Variants in ABCB9 observed in about 807,000 individuals in gnomAD.
ABCB9 encodes ABC-type oligopeptide transporter ABCB9.
A neutral mutation model predicts 62.0 loss-of-function variants in ABCB9; 36 were observed. The observed-to-expected ratio is 0.58, with a 90% CI of 0.45 to 0.77. ABCB9 has a LOEUF of 0.77. Ranked by LOEUF, ABCB9 falls within the 30% of genes least tolerant of loss-of-function variation. ABCB9 has a pLI of 0.00. For missense variants in ABCB9, 943 were observed against 1,054.7 expected (o/e 0.89, Z 1.47); for synonymous variants, 435 against 461.4 (o/e 0.94, Z 0.73).
At chr12:122,936,178 G>A (rs2035450176) in intron 9 of ABCB9, among the ~76,000 whole-genome samples, 1 of 152,138 alleles carries the variant, frequency 6.6e-6, no homozygotes, top group Admixed American at 6.6e-5. Flanking sequence ...TAGTGACAGT[G>A]CATCCTTAAA....
At chr12:122,951,169 C>A (rs879619055) in intron 2 of ABCB9, among the ~76,000 whole-genome samples, 1 of 151,768 alleles carries the variant, frequency 6.6e-6, no homozygotes. Context: ...CCCTTTGGAG[C>A]AGGCCCTGGA....
At chr12:122,925,997 T>C (rs1330551345), downstream of ABCB9, among the ~76,000 whole-genome samples, 1 of 152,084 alleles carries the variant, frequency 6.6e-6, no homozygotes, top group Non-Finnish European at 1.5e-5. Context: ...AAAGGCCACG[T>C]AGTATAGGGT....
intron 9 of ABCB9, 121 bp downstream of exon 9, chr12:122,939,990 T>C: frequency 7.8e-7 from 1 of 1,276,652 alleles, no homozygotes; most frequent in East Asian, 2.7e-5. Flanking sequence ...TTGTAATTGG[T>C]GATAATTCTT....
At chr12:122,965,729 CTTTT>C (rs77571044) in intron 1 of ABCB9, among the ~76,000 whole-genome samples, 1 of 144,038 alleles carries the variant, frequency 6.9e-6, no homozygotes, top group Non-Finnish European at 1.5e-5. Flanking sequence ...GGGGAGGAGG[CTTTT>C]TTTTTTTTTC....
At chr12:122,950,048 G>A (rs146132645) in intron 3 of ABCB9, 130 bp from the exon 4 acceptor site, 40 of 1,288,078 alleles carry the variant, frequency 3.1e-5, no homozygotes, top group Middle Eastern at 2.3e-4. Flanking sequence ...GCATCCCTGC[G>A]GGGTCCCCCT....
At chr12:122,962,201 C>G (rs996629692) in intron 1 of ABCB9, among the ~76,000 whole-genome samples, 2 of 152,196 alleles carry the variant, frequency 1.3e-5, no homozygotes, top group African/African-American at 4.8e-5. Flanking sequence ...CAGGGACACC[C>G]GGGAAGTGGG....
chr12:122,973,787 G>A (rs1254441666), intron 1 of ABCB9, among the ~76,000 whole-genome samples: 1 of 151,998 alleles, frequency 6.6e-6, no homozygotes, highest in Non-Finnish European at 1.5e-5. Context: ...CGTGAACCCG[G>A]GAGGCAGAGC....
chr12:122,923,297 A>T lies in ABCB9; in HGVS notation c.2041-2254T>A, dbSNP rs570498487. Reference sequence around the variant, plus strand: ...ACCAGTACTTCTTATTTATTTATTTATTTTTTTTGAGACGGAGTCTCGCTC... The same window carrying T: ...ACCAGTACTTCTTATTTATTTATTTTTTTTTTTTGAGACGGAGTCTCGCTC... On this transcript the variant is annotated intron_variant, in intron 11 of 11. Transcript: ENST00000344275. 1.3e-3 allele frequency among the ~76,000 whole-genome samples: 175 copies of T among 139,534 alleles called. 2 individuals carry two copies. The highest frequency in any genetic ancestry group is 2.2e-3 in the African/African-American group (82 of 37,226). 91.5% of individuals were successfully genotyped at this position (139,534 alleles called of 152,430 possible).
chr12:122,949,291 G>A (rs536710933), intron 4 of ABCB9: 142 of 174,436 alleles, frequency 8.1e-4, no homozygotes, highest in Admixed American at 2.3e-3. Flanking sequence ...GCTACTATCC[G>A]TGTTCCCATT....
exon 12 of ABCB9, chr12:122,920,968 T>G: frequency 6.6e-7 from 1 of 1,513,766 alleles, no homozygotes; most frequent in Middle Eastern, 1.7e-4. Context: ...TGAAAATGTT[T>G]TATACCTGAA....
At chr12:122,963,353 G>A (rs1388919195) in intron 1 of ABCB9, among the ~76,000 whole-genome samples, 1 of 152,198 alleles carries the variant, frequency 6.6e-6, no homozygotes, top group Non-Finnish European at 1.5e-5. Context: ...GGGCCGTGTG[G>A]CAGAGGTGAT....
At chr12:122,961,554 A>T (rs1264986071) in intron 1 of ABCB9, among the ~76,000 whole-genome samples, 1 of 152,138 alleles carries the variant, frequency 6.6e-6, no homozygotes, top group African/African-American at 2.4e-5. Context: ...CTTGAGCAAG[A>T]CTTGAAAGAG....
chr12:122,927,038 G>A (rs2034925715), downstream of ABCB9, among the ~76,000 whole-genome samples: 1 of 152,186 alleles, frequency 6.6e-6, no homozygotes, highest in Non-Finnish European at 1.5e-5. Flanking sequence ...GACATGCTAT[G>A]TTGGTTTCCT....
Position 122,964,679 on chromosome 12 carries a change from G to T in ABCB9, c.-88+1608C>A, listed in dbSNP as rs1183089426. On this transcript the variant is annotated intron_variant, in intron 1 of 11. Coordinates refer to ENST00000280560, the MANE Select transcript of ABCB9 (RefSeq NM_019625.4). The surrounding 1 kb of genome is among the most constrained non-coding windows in gnomAD (Gnocchi z 4.7). The stretch of plus-strand genomic sequence containing the variant: ...TGACTCAGAGGATGCGCTGGGCTCG[G>T]CCAGGTGGAGCTGGAGGGCAAATTG... 2.0e-5 allele frequency among the ~76,000 whole-genome samples: 3 copies of T among 152,264 alleles called. No homozygotes were observed. The highest frequency in any genetic ancestry group is 4.4e-5 in the Non-Finnish European group (3 of 68,042).
intron 2 of ABCB9, chr12:122,951,916 A>C (rs1418571583): frequency 6.6e-6 from 1 of 152,132 alleles, no homozygotes; most frequent in African/African-American, 2.4e-5. Context: ...CATCTCCCAA[A>C]ATTTACATAT....
At chr12:122,968,119 C>T (rs554556377), upstream of ABCB9, among the ~76,000 whole-genome samples, 1 of 152,096 alleles carries the variant, frequency 6.6e-6, no homozygotes, top group African/African-American at 2.4e-5. Context: ...TATGGAATGA[C>T]CTCCTAAATG....
At position 122,959,439 on chromosome 12, in the gene ABCB9, G is replaced by T. The variant is rs1204617330; in HGVS notation, c.601+196C>A. Among the ~76,000 whole-genome samples the T allele has an allele frequency of 6.6e-6, 1 of 152,090 alleles. No individual in the cohort carries two copies. The highest frequency in any genetic ancestry group is 2.1e-4 in the South Asian group (1 of 4,824). ...TTGCCCAGGCTGGTTTTCAACTCCTGGGCTCAAGTGATCTTCCTACCTCAG... is the reference window on the plus strand; with the variant it reads ...TTGCCCAGGCTGGTTTTCAACTCCTTGGCTCAAGTGATCTTCCTACCTCAG... On this transcript the variant is annotated intron_variant, in intron 2 of 11. Transcript: ENST00000280560. The surrounding 1 kb of genome is among the most constrained non-coding windows in gnomAD (Gnocchi z 5.4).
intron 1 of ABCB9, among the ~76,000 whole-genome samples, chr12:122,965,484 A>T (rs1352592782): frequency 3.3e-5 from 5 of 152,166 alleles, no homozygotes; most frequent in Non-Finnish European, 7.4e-5. Context: ...GCGTGGGTCC[A>T]TCCTGATTTC....
intron 11 of ABCB9, among the ~76,000 whole-genome samples, chr12:122,923,364 T>G (rs1414111320): frequency 6.6e-6 from 1 of 152,198 alleles, no homozygotes; most frequent in Non-Finnish European, 1.5e-5. Context: ...CTCCACGCAC[T>G]GCAAGCTCCG....
Sources: allele counts gnomAD v4.1 joint callset (sites outside exome capture counted in the v4.1 genomes callset), GRCh38; gene constraint gnomAD v4.1.1; non-coding constraint Gnocchi (gnomAD v3.1); transcripts MANE v1.5; gene names NCBI Gene and HGNC (gene_info 2026-07-23, HGNC 2026-07-21).